Variants in CFAP47 observed in about 807,000 individuals in gnomAD.
The protein encoded by CFAP47 is cilia- and flagella-associated protein 47.
A neutral mutation model predicts 148.1 loss-of-function variants in CFAP47; 29 were observed. The ratio of observed to expected loss-of-function variants is 0.20; its 90% CI spans 0.15 to 0.27. CFAP47 has a LOEUF of 0.27. CFAP47 is among the 10% of genes least tolerant of loss of function. The pLI, the probability that CFAP47 is intolerant of heterozygous loss-of-function variation, is 1.00. For synonymous variants in CFAP47, 664 were observed against 577.3 expected (o/e 1.15, Z -2.15); for missense variants, 1,872 against 1,697.5 (o/e 1.10, Z -1.81).
In CFAP47 at chrX:36,137,946, T is replaced by A. The variant is rs1939072130; in HGVS notation, c.5321-12T>A. On this transcript the variant is annotated splice_polypyrimidine_tract_variant and intron_variant, in intron 33 of 63. Coordinates refer to ENST00000378653, the MANE Select transcript of CFAP47 (RefSeq NM_001304548.2). ...CTATTGTTGTATTTACTCTCCCTCT[T>A]TTTTGAAACAGATGTTATCCCTTCT... The A allele has an allele frequency of 6.5e-6, 4 of 612,514 alleles. No homozygotes were observed. The highest frequency in any genetic ancestry group is 1.1e-5 in the Non-Finnish European group (4 of 373,504). 50.5% of individuals were successfully genotyped at this position (612,514 alleles called of 1,213,427 possible). A position where few individuals can be genotyped will look rare whatever the true frequency, so the allele number is the denominator to read the frequency against.
At chrX:36,179,508 C>T (rs1939725404) in intron 40 of CFAP47, 86 bp downstream of exon 40, 1 of 278,380 alleles carries the variant, frequency 3.6e-6, no homozygotes, top group South Asian at 2.3e-4. Flanking sequence ...TATAATTACA[C>T]AATAGTTTAC....
chrX:36,337,442 A>G (rs916596323), intron 57 of CFAP47, among the ~76,000 whole-genome samples: 3 of 111,885 alleles, frequency 2.7e-5, no homozygotes, highest in African/African-American at 9.7e-5. Flanking sequence ...AGGTGGATAT[A>G]TATAGATGGT....
chrX:36,158,919 C>T (rs890785594), intron 37 of CFAP47, among the ~76,000 whole-genome samples: 1 of 111,479 alleles, frequency 9.0e-6, no homozygotes, highest in African/African-American at 3.3e-5. Flanking sequence ...TCTTAGACTG[C>T]CAAATTGAAG....
chrX:36,253,639 T>C (rs1329780458), intron 49 of CFAP47, among the ~76,000 whole-genome samples: 1 of 111,977 alleles, frequency 8.9e-6, no homozygotes, highest in Non-Finnish European at 1.9e-5. Context: ...ATTGATTATA[T>C]AATAATTATT....
intron 35 of CFAP47, among the ~76,000 whole-genome samples, chrX:36,141,069 T>TC (rs1273013088): frequency 9.2e-6 from 1 of 108,507 alleles, no homozygotes; most frequent in Non-Finnish European, 1.9e-5. Context: ...ATTTTTTTTT[T>TC]TTTTTTTAAT....
intron 42 of CFAP47, 57 bp downstream of exon 42, chrX:36,190,253 C>T (rs1317446482): frequency 2.1e-5 from 6 of 292,541 alleles, no homozygotes; most frequent in East Asian, 4.8e-5. Context: ...AATGGAGTAA[C>T]GAACAGCAGG....
chrX:36,235,755 A>G (rs1351290415), intron 46 of CFAP47, among the ~76,000 whole-genome samples, 179 bp from the exon 47 acceptor site: 2 of 112,530 alleles, frequency 1.8e-5, no homozygotes, highest in Non-Finnish European at 3.8e-5. Flanking sequence ...CTATTCGGCC[A>G]TCTTGGCTCC....
chrX:36,384,810 A>G lies in CFAP47; in HGVS notation c.9368A>G (p.Tyr3123Cys). 8.6e-7 allele frequency: 1 copy of G among 1,163,093 alleles called. No individual in the cohort carries two copies. Among genetic ancestry groups the G allele is most frequent in the South Asian group, 1.9e-5 (1 of 52,642 alleles). ...CTTTCTATCCAGACAGAAGAAATGT[A>G]CTGGAAGTATGAGATCAATGGATTA... ...ATLVIQTEEM[Y>C]WKYEINGLTP... Residue 3123 changes from tyrosine (Y) to cysteine (C), a missense_variant, in exon 64 of 64, where the codon TAC becomes TGC. By Grantham distance (194) the Tyr-to-Cys change is radical. Transcript: ENST00000378653.
At chrX:36,276,982 C>A (rs1941025188) in intron 49 of CFAP47, among the ~76,000 whole-genome samples, 1 of 111,553 alleles carries the variant, frequency 9.0e-6, no homozygotes, top group South Asian at 3.7e-4. Flanking sequence ...AATCTTCTAG[C>A]AGAAGCAATA....
At chrX:36,138,183 G>T in intron 34 of CFAP47, 128 bp downstream of exon 34, 1 of 561,161 alleles carries the variant, frequency 1.8e-6, no homozygotes, top group South Asian at 5.0e-5. Flanking sequence ...ACCTGAATCT[G>T]CATGGCCAGC....
chrX:36,071,673 G>A, intron 27 of CFAP47, 152 bp from the exon 28 acceptor site: 2 of 385,372 alleles, frequency 5.2e-6, no homozygotes, highest in Non-Finnish European at 8.4e-6. Context: ...TACAGTGGGT[G>A]TTTAGACTTT....
intron 32 of CFAP47, among the ~76,000 whole-genome samples, chrX:36,103,530 C>T (rs868828203): frequency 5.4e-5 from 2 of 36,941 alleles, no homozygotes; most frequent in Non-Finnish European, 8.9e-5. Context: ...AAAAAAAAAA[C>T]ATCCCTCAAG....
At chrX:36,326,808 C>G (rs1602109713) in intron 57 of CFAP47, among the ~76,000 whole-genome samples, 1 of 111,228 alleles carries the variant, frequency 9.0e-6, no homozygotes, top group Non-Finnish European at 1.9e-5. Context: ...AAAAGGGAAG[C>G]ATAGCATAAA....
intron 33 of CFAP47, among the ~76,000 whole-genome samples, chrX:36,111,315 A>C (rs774944065): frequency 8.9e-6 from 1 of 112,125 alleles, no homozygotes. Flanking sequence ...ACATGAAGTC[A>C]TGCTGAGTTT....
intron 56 of CFAP47, among the ~76,000 whole-genome samples, chrX:36,312,312 T>C (rs1403678741): frequency 9.0e-6 from 1 of 111,117 alleles, no homozygotes; most frequent in Non-Finnish European, 1.9e-5. Context: ...ATTTACATTT[T>C]TATCTGCTGA....
intron 48 of CFAP47, among the ~76,000 whole-genome samples, chrX:36,248,538 A>C (rs1395448079): frequency 9.3e-6 from 1 of 107,259 alleles, no homozygotes; most frequent in East Asian, 2.8e-4. Context: ...ACAGAGCCTG[A>C]AAAGACATGA....
rs146402159 is a variant in CFAP47 at position 36,031,364 on chromosome X, G to A, written c.3651+17G>A. 2.5e-3 allele frequency: 718 copies of A among 284,924 alleles called. 7 individuals carry two copies. The highest frequency in any genetic ancestry group is 0.018 in the African/African-American group (658 of 35,820). The allele number at this position is 284,924 out of a possible 1,213,427, so 23.5% of individuals were successfully genotyped here. A position where few individuals can be genotyped will look rare whatever the true frequency, so the allele number is the denominator to read the frequency against. ...AAAACTCAGGTATGTATAAAGAAGT[G>A]ATACAGTTTACAATTCTTTTCATGA... is the stretch of plus-strand genomic sequence containing the variant. On this transcript the variant is annotated intron_variant, in intron 23 of 63. Coordinates refer to ENST00000378653, the MANE Select transcript of CFAP47 (RefSeq NM_001304548.2).
chrX:36,192,347 C>T (rs1555986619), intron 42 of CFAP47, among the ~76,000 whole-genome samples: 1 of 111,159 alleles, frequency 9.0e-6, no homozygotes. Context: ...GAATCAGTGT[C>T]CAGTCCCTGG....
intron 33 of CFAP47, among the ~76,000 whole-genome samples, chrX:36,118,138 C>T (rs1938673395): frequency 8.9e-6 from 1 of 112,049 alleles, no homozygotes; most frequent in African/African-American, 3.2e-5. Flanking sequence ...ATTTTGGTTA[C>T]TATAGCTCTG....
Sources: gnomAD v4.1 joint callset for allele counts (sites outside exome capture counted in the v4.1 genomes callset) on GRCh38, gnomAD v4.1.1 for gene constraint, MANE v1.5 for transcripts, NCBI Gene and HGNC (gene_info 2026-07-23, HGNC 2026-07-21) for gene names.